FRMD4A: variants seen among roughly 807,000 people sequenced by gnomAD.
FRMD4A encodes FERM domain-containing protein 4A.
In FRMD4A, 29 loss-of-function variants were observed where a neutral mutation model predicts 129.1. The observed-to-expected ratio is 0.22, with a 90% confidence interval of 0.17 to 0.31. FRMD4A has a LOEUF of 0.31. Among genes scored for constraint, FRMD4A ranks in the 10% least tolerant of loss-of-function variants. The probability of loss-of-function intolerance (pLI) is 1.00; values close to 1 mark genes in which losing one functional copy is unlikely to be tolerated. For synonymous variants in FRMD4A, 634 were observed against 571.6 expected (o/e 1.11, Z -1.56); for missense variants, 1,272 against 1,375.8 (o/e 0.92, Z 1.19).
chr10:13,696,959 A>T (rs1490749020), intron 14 of FRMD4A, among the ~76,000 whole-genome samples: 2 of 152,200 alleles, frequency 1.3e-5, no homozygotes, highest in African/African-American at 4.8e-5. Flanking sequence ...GTAATTTGCT[A>T]ACTGAGGTTA....
intron 14 of FRMD4A, among the ~76,000 whole-genome samples, chr10:13,696,239 C>T (rs184807511): frequency 1.3e-3 from 198 of 152,342 alleles, no homozygotes; most frequent in Non-Finnish European, 2.2e-3. Context: ...TTGACACAGC[C>T]TATCATTTGC....
In FRMD4A at chr10:13,693,941, C is replaced by A. The variant is rs1328089144; in HGVS notation, c.1074G>T (p.Lys358Asn). 1 of 1,605,176 alleles carries A rather than the reference C, an allele frequency of 6.2e-7. No homozygotes were observed. The highest frequency in any genetic ancestry group is 2.2e-5 in the East Asian group (1 of 44,798). ...CGCTGCTGCCGCTGATGATCTTCCC[C>A]TTGCTACCCATGTTGGCCAGCTTCG... is the stretch of plus-strand genomic sequence containing the variant. Reference protein sequence around the residue: ...KTSKLANMGSKGKIISGSSGS... With the variant: ...KTSKLANMGSNGKIISGSSGS... The change falls in exon 15 of 25, where the codon AAG becomes AAT. Residue 358 changes from lysine (K) to asparagine (N), a missense_variant. By Grantham distance (94) the Lys-to-Asn change is moderately conservative (BLOSUM62 0). Coordinates refer to ENST00000357447, the MANE Select transcript of FRMD4A (RefSeq NM_018027.5).
At chr10:14,048,362 C>T (rs1349812195) in intron 2 of FRMD4A, among the ~76,000 whole-genome samples, 7 of 152,322 alleles carry the variant, frequency 4.6e-5, no homozygotes, top group East Asian at 3.9e-4. Context: ...AATAGCACGT[C>T]GTCTCATTTT....
chr10:13,798,279 G>A (rs1490525160), intron 4 of FRMD4A, among the ~76,000 whole-genome samples: 1 of 152,104 alleles, frequency 6.6e-6, no homozygotes, highest in Non-Finnish European at 1.5e-5. Flanking sequence ...GGACCTGGTG[G>A]CAGGTGCCTA....
At chr10:13,737,462 T>C (rs1359727684) in intron 12 of FRMD4A, among the ~76,000 whole-genome samples, 1 of 152,144 alleles carries the variant, frequency 6.6e-6, no homozygotes, top group African/African-American at 2.4e-5. Flanking sequence ...CAGAAATCTT[T>C]GGGAGAACTC....
intron 2 of FRMD4A, among the ~76,000 whole-genome samples, chr10:14,232,627 G>C (rs954194927): frequency 3.3e-5 from 5 of 152,166 alleles, no homozygotes; most frequent in African/African-American, 1.2e-4. Context: ...TCTCATTGTA[G>C]AGATCTTTCA....
chr10:14,115,733 C>T (rs1175201217), intron 2 of FRMD4A, among the ~76,000 whole-genome samples: 2 of 152,176 alleles, frequency 1.3e-5, no homozygotes, highest in African/African-American at 4.8e-5. Context: ...GACATCCCTG[C>T]CCCCTCTCCA....
chr10:13,910,582 G>C (rs1474362626), intron 2 of FRMD4A, among the ~76,000 whole-genome samples: 1 of 152,194 alleles, frequency 6.6e-6, no homozygotes, highest in African/African-American at 2.4e-5. Context: ...TCTTCACCCT[G>C]CAGAAAGCAG....
chr10:14,075,890 G>C (rs3101356), intron 2 of FRMD4A, among the ~76,000 whole-genome samples: 45,256 of 152,054 alleles, frequency 0.3, 7,230 homozygotes, highest in East Asian at 0.63. Flanking sequence ...TACAGGAAGA[G>C]ATTGTGTGAT....
intron 2 of FRMD4A, among the ~76,000 whole-genome samples, chr10:14,028,999 T>C (rs1369716869): frequency 6.6e-6 from 1 of 152,232 alleles, no homozygotes; most frequent in Non-Finnish European, 1.5e-5. Flanking sequence ...AAGAATGATC[T>C]GACATGAACC....
At chr10:14,245,421 G>A (rs1453084967) in intron 2 of FRMD4A, among the ~76,000 whole-genome samples, 1 of 152,204 alleles carries the variant, frequency 6.6e-6, no homozygotes, top group Admixed American at 6.5e-5. Flanking sequence ...AGGGAGTAAG[G>A]TAGAGAGGAA....
At chr10:13,980,967 T>C (rs1248906667) in intron 2 of FRMD4A, among the ~76,000 whole-genome samples, 1 of 152,214 alleles carries the variant, frequency 6.6e-6, no homozygotes, top group Non-Finnish European at 1.5e-5. Context: ...TCCTTTGATA[T>C]ATGCAAAATC....
chr10:14,244,050 G>A (rs1452321395), intron 2 of FRMD4A, among the ~76,000 whole-genome samples: 1 of 152,172 alleles, frequency 6.6e-6, no homozygotes, highest in Non-Finnish European at 1.5e-5. Context: ...GATATTAATG[G>A]CTAATTTTCC....
chr10:14,004,234 A>C (rs1251011718), intron 2 of FRMD4A, among the ~76,000 whole-genome samples: 1 of 152,202 alleles, frequency 6.6e-6, no homozygotes, highest in Non-Finnish European at 1.5e-5. Flanking sequence ...AATATAAAAA[A>C]TTGTCATCTG....
chr10:13,736,896 T>C (rs1412217475), intron 12 of FRMD4A, among the ~76,000 whole-genome samples: 1 of 152,000 alleles, frequency 6.6e-6, no homozygotes, highest in Non-Finnish European at 1.5e-5. Context: ...CTGAAAAGTG[T>C]TTGTAAATGA....
chr10:14,223,746 G>GAAA lies in FRMD4A; in HGVS notation c.45+106309_45+106311dup, dbSNP rs1160672002. ...ACAGAGCAAGACCATGTCTCAAAAT[G>GAAA]AAAAAAAAAAAAAAAAAAGAGAGAG... On this transcript the variant is annotated intron_variant, in intron 2 of 24. Transcript: ENST00000357447. Among the ~76,000 whole-genome samples the GAAA allele has an allele frequency of 9.4e-3, 589 of 62,942 alleles. 2 individuals are homozygous for GAAA. Among genetic ancestry groups the GAAA allele is most frequent in the African/African-American group, 0.011 (201 of 18,624 alleles). The allele number at this position is 62,942 out of a possible 152,430, so 41.3% of individuals were successfully genotyped here.
chr10:13,766,909 C>T (rs970915063), intron 6 of FRMD4A, among the ~76,000 whole-genome samples: 4 of 152,150 alleles, frequency 2.6e-5, no homozygotes, highest in African/African-American at 9.7e-5. Context: ...CCCGTCTCTA[C>T]TAAAAACACA....
intron 2 of FRMD4A, among the ~76,000 whole-genome samples, chr10:14,316,809 G>C (rs1846758907): frequency 6.6e-6 from 1 of 152,192 alleles, no homozygotes; most frequent in Non-Finnish European, 1.5e-5. Flanking sequence ...GGGATGGGTG[G>C]AACCAGAGCC....
intron 2 of FRMD4A, among the ~76,000 whole-genome samples, chr10:13,901,460 A>G (rs2094817929): frequency 6.6e-6 from 1 of 152,068 alleles, no homozygotes; most frequent in South Asian, 2.1e-4. Flanking sequence ...AAATACAAAA[A>G]TTAGCTGGGC....
Sources: allele counts gnomAD v4.1 joint callset (sites outside exome capture counted in the v4.1 genomes callset), GRCh38; gene constraint gnomAD v4.1.1; transcripts MANE v1.5; gene names NCBI Gene and HGNC (gene_info 2026-07-23, HGNC 2026-07-21).